The following ANTXR1 variants were observed in gnomAD, a reference collection of about 807,000 sequenced individuals.
ANTXR1 encodes anthrax toxin receptor 1.
ANTXR1 carries 19 observed loss-of-function variants against 78.1 expected under a neutral mutation model. The ratio of observed to expected loss-of-function variants is 0.24; its 90% CI spans 0.17 to 0.36. ANTXR1 has a LOEUF of 0.36. ANTXR1 is among the 10% of genes least tolerant of loss of function. The pLI, the probability that ANTXR1 is intolerant of heterozygous loss-of-function variation, is 1.00. For synonymous variants in ANTXR1, 273 were observed against 260.5 expected, an observed-to-expected ratio of 1.05 and a Z score of -0.46; for missense variants, 518 against 718.6, an observed-to-expected ratio of 0.72 and a Z score of 3.19.
intron 10 of ANTXR1, among the ~76,000 whole-genome samples, chr2:69,112,223 T>G (rs1672012477): frequency 6.6e-6 from 1 of 152,172 alleles, no homozygotes; most frequent in African/African-American, 2.4e-5. Flanking sequence ...AGCACCCTCC[T>G]GTATTATCTC....
intron 12 of ANTXR1, among the ~76,000 whole-genome samples, chr2:69,147,696 G>C (rs907766516): frequency 1.3e-5 from 2 of 152,210 alleles, no homozygotes; most frequent in African/African-American, 4.8e-5. Context: ...TCTAAAATTA[G>C]ACCACATGGA....
chr2:69,067,306 CA>C (rs58081284), intron 3 of ANTXR1, among the ~76,000 whole-genome samples: 11,443 of 84,260 alleles, frequency 0.14, 543 homozygotes, highest in Middle Eastern at 0.23. Flanking sequence ...TGTTCTGGTA[CA>C]AAAAAAAAAA....
At chr2:69,094,112 G>T (rs1357799614) in intron 9 of ANTXR1, among the ~76,000 whole-genome samples, 11 of 152,324 alleles carry the variant, frequency 7.2e-5, no homozygotes, top group Non-Finnish European at 1.6e-4. Context: ...AGGAAGCCTG[G>T]GAGCCCATTT....
At chr2:69,206,497 T>C (rs1674907814) in intron 17 of ANTXR1, among the ~76,000 whole-genome samples, 1 of 152,198 alleles carries the variant, frequency 6.6e-6, no homozygotes, top group African/African-American at 2.4e-5. Context: ...TTTCCTTCTT[T>C]CTCTAACAAG....
At chr2:69,230,563 G>C (rs74360699) in intron 17 of ANTXR1, among the ~76,000 whole-genome samples, 1 of 152,064 alleles carries the variant, frequency 6.6e-6, no homozygotes, top group African/African-American at 2.4e-5. Context: ...TATTTTTTAA[G>C]ATTTTCAAGT....
At chr2:69,065,424 CAAAAAAA>C (rs34601328) in intron 3 of ANTXR1, among the ~76,000 whole-genome samples, 2 of 66,754 alleles carry the variant, frequency 3.0e-5, no homozygotes, top group Admixed American at 2.9e-4. Context: ...GACTCCGTCT[CAAAAAAA>C]AAAAAAAAAA....
intron 9 of ANTXR1, among the ~76,000 whole-genome samples, chr2:69,091,442 T>A (rs2104284716): frequency 2.2e-5 from 1 of 46,096 alleles, no homozygotes; most frequent in East Asian, 6.6e-4. Context: ...CAAGACACCA[T>A]CTCAAAAAAA....
intron 12 of ANTXR1, among the ~76,000 whole-genome samples, chr2:69,140,467 C>A (rs1413692292): frequency 1.3e-5 from 2 of 152,190 alleles, no homozygotes; most frequent in Non-Finnish European, 2.9e-5. Flanking sequence ...ATTTGAACAT[C>A]CTCAGTAGGG....
intron 17 of ANTXR1, among the ~76,000 whole-genome samples, chr2:69,244,823 T>C (rs1487723809): frequency 6.6e-6 from 1 of 152,192 alleles, no homozygotes; most frequent in African/African-American, 2.4e-5. Context: ...CCCCATCTCT[T>C]CCTAGTTGTG....
At chr2:69,109,252 G>A (rs142046918) in intron 10 of ANTXR1, among the ~76,000 whole-genome samples, 199 of 152,264 alleles carry the variant, frequency 1.3e-3, no homozygotes, top group African/African-American at 4.4e-3. Context: ...CCATATCATC[G>A]TCACTGTTAT....
intron 1 of ANTXR1, among the ~76,000 whole-genome samples, chr2:69,024,394 C>T (rs1031514033): frequency 6.6e-6 from 1 of 151,916 alleles, no homozygotes; most frequent in Non-Finnish European, 1.5e-5. Context: ...TTTTAAATGC[C>T]CAGAAGAGGT....
At chr2:69,077,590 G>A (rs1670774737) in intron 8 of ANTXR1, 102 bp downstream of exon 8, 1 of 1,243,436 alleles carries the variant, frequency 8.0e-7, no homozygotes, top group African/African-American at 1.5e-5. Flanking sequence ...GTGTTTTTCT[G>A]CTTAAGAGAA....
At chr2:69,099,905 T>C (rs1671554122) in intron 9 of ANTXR1, among the ~76,000 whole-genome samples, 1 of 152,234 alleles carries the variant, frequency 6.6e-6, no homozygotes, top group African/African-American at 2.4e-5. Flanking sequence ...GAAATAGAAA[T>C]CTTGGCCTCT....
chr2:69,178,071 G>T (rs530117923), intron 14 of ANTXR1, among the ~76,000 whole-genome samples: 78 of 152,264 alleles, frequency 5.1e-4, no homozygotes, highest in African/African-American at 1.8e-3. Context: ...CATCCTTGAA[G>T]GGCAGTGTAG....
intron 12 of ANTXR1, among the ~76,000 whole-genome samples, chr2:69,133,078 C>CT (rs1472231949): frequency 6.6e-6 from 1 of 152,056 alleles, no homozygotes; most frequent in Admixed American, 6.5e-5. Context: ...TGGTGAGTTA[C>CT]TTCCCAGTTA....
chr2:69,088,183 G>C (rs1671114986), intron 8 of ANTXR1, among the ~76,000 whole-genome samples: 1 of 152,170 alleles, frequency 6.6e-6, no homozygotes, highest in Non-Finnish European at 1.5e-5. Flanking sequence ...ACCCCTGTTA[G>C]TGTGCCTTTG....
chr2:69,216,807 A>G (rs1283966306), intron 17 of ANTXR1, among the ~76,000 whole-genome samples: 1 of 152,226 alleles, frequency 6.6e-6, no homozygotes, highest in African/African-American at 2.4e-5. Flanking sequence ...CATGAGTTTA[A>G]TACTACCAAC....
intron 3 of ANTXR1, among the ~76,000 whole-genome samples, chr2:69,062,631 T>C (rs1670279745): frequency 6.6e-6 from 1 of 152,142 alleles, no homozygotes; most frequent in African/African-American, 2.4e-5. Flanking sequence ...AAATCAATAT[T>C]ATACCGAAGT....
chr2:69,050,872 A>G (rs1221261170), intron 3 of ANTXR1, among the ~76,000 whole-genome samples: 1 of 152,124 alleles, frequency 6.6e-6, no homozygotes, highest in Non-Finnish European at 1.5e-5. Flanking sequence ...TGTTTCTTAA[A>G]TGTATTCATC....
Sources: gnomAD v4.1 joint callset for allele counts (sites outside exome capture counted in the v4.1 genomes callset) on GRCh38, gnomAD v4.1.1 for gene constraint, MANE v1.5 for transcripts, NCBI Gene and HGNC (gene_info 2026-07-23, HGNC 2026-07-21) for gene names.